Variants in OSTN observed in about 807,000 individuals in gnomAD.
OSTN encodes the protein osteocrin.
A neutral mutation model predicts 12.0 loss-of-function variants in OSTN; 9 were observed. The ratio of observed to expected loss-of-function variants is 0.75; its 90% CI spans 0.45 to 1.30. The LOEUF is 1.30. OSTN is among the 50% of genes most tolerant of loss of function. The pLI is 0.00. For missense variants in OSTN, 148 were observed against 152.3 expected (o/e 0.97, Z 0.15); for synonymous variants, 59 against 56.9 (o/e 1.04, Z -0.16).
chr3:191,231,944 T>A (rs899766513), intron 3 of OSTN, among the ~76,000 whole-genome samples: 1 of 152,084 alleles, frequency 6.6e-6, no homozygotes, highest in Non-Finnish European at 1.5e-5. Context: ...TCAAAAACAA[T>A]TTTTTAATTA....
intron 3 of OSTN, among the ~76,000 whole-genome samples, chr3:191,239,948 G>GA: frequency 6.6e-6 from 1 of 152,298 alleles, no homozygotes. Flanking sequence ...AATACAGGGA[G>GA]AAAACAACAG....
chr3:191,241,016 T>G (rs1247179460), intron 3 of OSTN, among the ~76,000 whole-genome samples: 5 of 152,188 alleles, frequency 3.3e-5, no homozygotes, highest in African/African-American at 1.2e-4. Flanking sequence ...GCCTGGCTAG[T>G]ACACTCATGT....
At chr3:191,207,894 G>A (rs1412013101) in intron 1 of OSTN, among the ~76,000 whole-genome samples, 2 of 152,172 alleles carry the variant, frequency 1.3e-5, no homozygotes, top group African/African-American at 4.8e-5. Flanking sequence ...GATCCTTTCA[G>A]GGTATAGTCA....
chr3:191,241,632 TA>T (rs1033095580), intron 3 of OSTN, among the ~76,000 whole-genome samples: 1 of 152,126 alleles, frequency 6.6e-6, no homozygotes, highest in Non-Finnish European at 1.5e-5. Flanking sequence ...ACAGGATCAT[TA>T]AAAGTTATTG....
rs1042930420 is a variant in OSTN, at chr3:191,216,370, C to T, written c.103-2377C>T. Among the ~76,000 whole-genome samples, 3 of 152,210 alleles carry T rather than the reference C, an allele frequency of 2.0e-5. No homozygotes were observed. In the South Asian group the frequency reaches 6.2e-4, roughly 32 times the overall value. On this transcript the variant is annotated intron_variant, in intron 2 of 4. Coordinates refer to ENST00000682035, the MANE Select transcript of OSTN (RefSeq NM_198184.2). ...CTGACATGCCATGGAGACATTTTCC[C>T]CATTGTCTTAGCAATTAGCATTTGG... is the stretch of plus-strand genomic sequence containing the variant.
At chr3:191,219,923 C>T (rs1325965750) in intron 3 of OSTN, among the ~76,000 whole-genome samples, 3 of 152,136 alleles carry the variant, frequency 2.0e-5, no homozygotes, top group Non-Finnish European at 4.4e-5. Flanking sequence ...CTACCTCCAC[C>T]ACCATCATCA....
chr3:191,210,403 A>G (rs1013730677), intron 1 of OSTN, among the ~76,000 whole-genome samples: 2 of 152,246 alleles, frequency 1.3e-5, no homozygotes, highest in African/African-American at 4.8e-5. Flanking sequence ...AAATGTCAAA[A>G]AAAATCCTGG....
In OSTN at chr3:191,202,622, A is replaced by G. The variant is rs1219267375; in HGVS notation, c.-1+3315A>G. On this transcript the variant is annotated intron_variant, in intron 1 of 4. Coordinates refer to ENST00000682035, the MANE Select transcript of OSTN (RefSeq NM_198184.2). Reference sequence around the variant, plus strand: ...ATTTTATATAAGTACAAAGTGGAGTAAACAGTGAAGGGGGTCGTGAAATTC... The same window carrying G: ...ATTTTATATAAGTACAAAGTGGAGTGAACAGTGAAGGGGGTCGTGAAATTC... 9.2e-5 allele frequency among the ~76,000 whole-genome samples: 14 copies of G among 152,226 alleles called. No homozygotes were observed. In the South Asian group the frequency reaches 1.0e-3, roughly 11 times the overall value.
At chr3:191,253,715 G>T (rs1416199532) in intron 4 of OSTN, among the ~76,000 whole-genome samples, 1 of 152,170 alleles carries the variant, frequency 6.6e-6, no homozygotes, top group Non-Finnish European at 1.5e-5. Flanking sequence ...GTAGTTTAAA[G>T]GTACCAAACT....
Position 191,250,100 on chromosome 3 carries a change from G to T in OSTN, c.381G>T (p.Arg127=). The T allele has an allele frequency of 6.2e-7, 1 of 1,613,092 alleles. No homozygotes were observed. Among genetic ancestry groups the T allele is most frequent in the Non-Finnish European group, 8.5e-7 (1 of 1,179,112 alleles). The stretch of plus-strand genomic sequence containing the variant: ...CCATGGATCGGATTGGTAGAAACCG[G>T]CTTTCAAATTCCAGAGGCTAATTGA... ...GIPMDRIGRN[R]LSNSRG is the part of the protein sequence containing the mutation. The change falls in exon 4 of 5, where the codon CGG becomes CGT. Residue 127 remains arginine, a synonymous_variant. Coordinates refer to ENST00000682035, the MANE Select transcript of OSTN (RefSeq NM_198184.2).
chr3:191,243,515 G>A (rs1271337848), intron 3 of OSTN, among the ~76,000 whole-genome samples: 1 of 152,092 alleles, frequency 6.6e-6, no homozygotes. Context: ...CATAATATTT[G>A]CTGAAAGAAG....
intron 3 of OSTN, among the ~76,000 whole-genome samples, chr3:191,237,942 C>G (rs548024375): frequency 6.6e-6 from 1 of 152,210 alleles, no homozygotes; most frequent in East Asian, 1.9e-4. Context: ...AATAGCAATG[C>G]CAGATTCAAT....
At chr3:191,233,486 G>C (rs1159245301) in intron 3 of OSTN, among the ~76,000 whole-genome samples, 1 of 151,884 alleles carries the variant, frequency 6.6e-6, no homozygotes, top group Non-Finnish European at 1.5e-5. Context: ...ACCCAAGCTG[G>C]AGTGCAGTGG....
chr3:191,261,821 C>T (rs999071266), intron 4 of OSTN, among the ~76,000 whole-genome samples: 1 of 152,156 alleles, frequency 6.6e-6, no homozygotes, highest in African/African-American at 2.4e-5. Context: ...AACTCAAATT[C>T]AAAGAAGTAT....
intron 3 of OSTN, among the ~76,000 whole-genome samples, chr3:191,246,100 C>T (rs984697159): frequency 6.6e-5 from 9 of 137,350 alleles, no homozygotes; most frequent in Admixed American, 2.2e-4. Flanking sequence ...AAAGAGTAAA[C>T]GTATTATTTT....
intron 4 of OSTN, among the ~76,000 whole-genome samples, chr3:191,260,492 G>A (rs1214106453): frequency 6.6e-6 from 1 of 152,108 alleles, no homozygotes; most frequent in Non-Finnish European, 1.5e-5. Flanking sequence ...CAGTTGTGAG[G>A]GGGGTGCCAG....
At chr3:191,223,439 G>C (rs1307867756) in intron 3 of OSTN, among the ~76,000 whole-genome samples, 5 of 152,200 alleles carry the variant, frequency 3.3e-5, no homozygotes, top group Non-Finnish European at 7.3e-5. Context: ...GCAAGAAAGA[G>C]AATGTGTTAT....
At chr3:191,233,430 TTC>T (rs1237352302) in intron 3 of OSTN, among the ~76,000 whole-genome samples, 2 of 152,114 alleles carry the variant, frequency 1.3e-5, no homozygotes, top group African/African-American at 2.4e-5. Context: ...ACCATTTTAT[TTC>T]TGTTTTCTTT....
intron 4 of OSTN, among the ~76,000 whole-genome samples, chr3:191,258,540 A>T (rs1715727550): frequency 1.3e-5 from 2 of 151,850 alleles, no homozygotes; most frequent in Admixed American, 1.3e-4. Flanking sequence ...CACCAAATGC[A>T]CGCGGGGTTT....
Sources: allele counts gnomAD v4.1 joint callset (sites outside exome capture counted in the v4.1 genomes callset), GRCh38; gene constraint gnomAD v4.1.1; transcripts MANE v1.5; gene names NCBI Gene and HGNC (gene_info 2026-07-23, HGNC 2026-07-21).